Variants in PARD3B observed in about 807,000 individuals in gnomAD.
The protein encoded by PARD3B is partitioning defective 3 homolog B.
In PARD3B, 103 loss-of-function variants were observed where a neutral mutation model predicts 130.2. That is an observed-to-expected ratio of 0.79 (90% confidence interval 0.67 to 0.93). The LOEUF (loss-of-function observed/expected upper bound fraction) is 0.93, where lower values mean the gene tolerates loss of function less well. PARD3B is among the 40% of genes least tolerant of loss of function. The probability of loss-of-function intolerance (pLI) is 0.00; values close to 1 mark genes in which losing one functional copy is unlikely to be tolerated. For synonymous variants in PARD3B, 583 were observed against 553.2 expected, an observed-to-expected ratio of 1.05 and a Z score of -0.76; for missense variants, 1,609 against 1,499.2, an observed-to-expected ratio of 1.07 and a Z score of -1.21.
intron 4 of PARD3B, among the ~76,000 whole-genome samples, chr2:205,103,155 AAT>A (rs1702912854): frequency 7.7e-6 from 1 of 130,194 alleles, no homozygotes; most frequent in South Asian, 3.0e-4. Flanking sequence ...ATTTATGTAA[AAT>A]AAACATATTT....
rs2125318982 is a variant in PARD3B at position 205,015,514 on chromosome 2, A to T, written c.395-32067A>T. ...GATAGGGATGATGTGTTATTCATAT[A>T]GGTATAACCCAGTCTTGAGCTTCAC... On this transcript the variant is annotated intron_variant, in intron 3 of 22. Transcript: ENST00000406610. The surrounding 1 kb of genome is among the most constrained non-coding windows in gnomAD (Gnocchi z 4.5). Among the ~76,000 whole-genome samples the T allele has an allele frequency of 6.6e-6, 1 of 152,308 alleles. No individual in the cohort carries two copies. The highest frequency in any genetic ancestry group is 1.9e-4 in the East Asian group (1 of 5,184).
At chr2:204,874,356 C>T (rs1288692935) in intron 2 of PARD3B, among the ~76,000 whole-genome samples, 1 of 152,076 alleles carries the variant, frequency 6.6e-6, no homozygotes, top group African/African-American at 2.4e-5. Flanking sequence ...AAAGTAAGCA[C>T]TCCTGAACAA....
intron 1 of PARD3B, among the ~76,000 whole-genome samples, chr2:204,649,292 G>A (rs2035397996): frequency 6.6e-6 from 1 of 151,236 alleles, no homozygotes; most frequent in Admixed American, 6.6e-5. Context: ...TCATATTATT[G>A]AGTTTTAAGA....
Position 204,920,452 on chromosome 2 carries a change from C to T in PARD3B, c.223-44700C>T, listed in dbSNP as rs150068101. Among the ~76,000 whole-genome samples the T allele has an allele frequency of 6.4e-4, 98 of 152,230 alleles. 1 individual carries two copies. In the East Asian group the frequency reaches 0.018, roughly 29 times the overall value. ...CGAAATCTGAGTACACAACCATGGC[C>T]TTATGCCCTGGAGTTTTACAGCTCT... On this transcript the variant is annotated intron_variant, in intron 2 of 22. Transcript: ENST00000406610.
chr2:205,005,146 C>T (rs977471430), intron 3 of PARD3B, among the ~76,000 whole-genome samples: 3 of 152,128 alleles, frequency 2.0e-5, no homozygotes, highest in African/African-American at 7.2e-5. Flanking sequence ...CTCCCCTTTG[C>T]TCCCTCTTCT....
At chr2:205,467,612 G>T (rs1405368331) in intron 20 of PARD3B, among the ~76,000 whole-genome samples, 2 of 151,908 alleles carry the variant, frequency 1.3e-5, no homozygotes, top group South Asian at 2.1e-4. Context: ...TTTCATGGTG[G>T]AATGAAGCCA....
chr2:204,741,604 C>T (rs957967985), intron 2 of PARD3B, among the ~76,000 whole-genome samples: 4 of 152,140 alleles, frequency 2.6e-5, no homozygotes, highest in Admixed American at 2.0e-4. Context: ...TTTATTCTTA[C>T]TAGTTTGAGA....
chr2:204,750,501 G>C (rs1385788194), intron 2 of PARD3B, among the ~76,000 whole-genome samples: 1 of 152,134 alleles, frequency 6.6e-6, no homozygotes, highest in Admixed American at 6.6e-5. Flanking sequence ...CTGGAGAATC[G>C]TTTGAGCCCT....
intron 1 of PARD3B, among the ~76,000 whole-genome samples, chr2:204,586,221 C>A (rs1020001671): frequency 2.0e-5 from 3 of 152,080 alleles, no homozygotes; most frequent in Non-Finnish European, 4.4e-5. Context: ...TAAATGCATA[C>A]CTGACACTCT....
At chr2:204,760,138 AT>A (rs1325156436) in intron 2 of PARD3B, among the ~76,000 whole-genome samples, 3 of 152,098 alleles carry the variant, frequency 2.0e-5, no homozygotes, top group Admixed American at 2.0e-4. Context: ...AAGTTTTTAT[AT>A]TTTTGAGTTA....
chr2:205,459,805 T>C (rs999918861), intron 20 of PARD3B, among the ~76,000 whole-genome samples: 5 of 152,176 alleles, frequency 3.3e-5, no homozygotes, highest in Non-Finnish European at 5.9e-5. Context: ...GTGGCTCATG[T>C]CTCAGTGTTC....
intron 10 of PARD3B, among the ~76,000 whole-genome samples, chr2:205,127,493 C>T (rs911439835): frequency 3.9e-5 from 6 of 152,142 alleles, no homozygotes; most frequent in African/African-American, 1.4e-4. Flanking sequence ...GTTGACAGAA[C>T]TGATGATGTT....
rs981694686 is a variant in PARD3B at position 205,473,534 on chromosome 2, C to T, written c.3045-26362C>T. On this transcript the variant is annotated intron_variant, in intron 20 of 22. Transcript: ENST00000406610. This position sits in a 1 kb window ranked among gnomAD's most constrained non-coding sequence, Gnocchi z 4.9. ...GCCTGACAGTAGGGCACGTTTCACT[C>T]ATTAATATGGGTGATATCTTACATT... Among the ~76,000 whole-genome samples the T allele has an allele frequency of 2.0e-5, 3 of 151,388 alleles. No homozygotes were observed. Among genetic ancestry groups the T allele is most frequent in the African/African-American group, 4.8e-5 (2 of 41,256 alleles).
chr2:204,702,513 A>G (rs1030376622), intron 2 of PARD3B, among the ~76,000 whole-genome samples: 4 of 152,132 alleles, frequency 2.6e-5, no homozygotes, highest in African/African-American at 9.7e-5. Flanking sequence ...TTTTAAAAGT[A>G]TATTTGTTGG....
chr2:205,189,483 G>A (rs900427932), intron 14 of PARD3B, among the ~76,000 whole-genome samples: 1 of 152,026 alleles, frequency 6.6e-6, no homozygotes, highest in African/African-American at 2.4e-5. Context: ...CTGAAAACAC[G>A]GCCTTTATCT....
At chr2:204,785,688 C>T (rs1319549343) in intron 2 of PARD3B, among the ~76,000 whole-genome samples, 3 of 152,114 alleles carry the variant, frequency 2.0e-5, no homozygotes, top group Admixed American at 1.3e-4. Context: ...GCCCAGTGCC[C>T]GACATGCAGG....
At chr2:204,788,924 G>C (rs2042104131) in intron 2 of PARD3B, among the ~76,000 whole-genome samples, 1 of 152,094 alleles carries the variant, frequency 6.6e-6, no homozygotes, top group South Asian at 2.1e-4. Flanking sequence ...CTCTACTGCT[G>C]TATCTCATGA....
intron 15 of PARD3B, among the ~76,000 whole-genome samples, chr2:205,245,425 T>A (rs533104747): frequency 6.6e-6 from 1 of 152,184 alleles, no homozygotes; most frequent in Non-Finnish European, 1.5e-5. Context: ...ATTGCTGTTA[T>A]GCTGAAAGAA....
Position 205,584,223 on chromosome 2 carries a change from AG to A in PARD3B, c.3260+30822del, listed in dbSNP as rs2054109340. On this transcript the variant is annotated intron_variant, in intron 22 of 22. Coordinates refer to ENST00000406610, the MANE Select transcript of PARD3B (RefSeq NM_001302769.2). This position sits in a 1 kb window ranked among gnomAD's most constrained non-coding sequence, Gnocchi z 5.5. ...GTGCTTTAAATGTAAAATGCACACC[AG>A]GTCCCAAGACTTAATGCCAAAAGCA... Among the ~76,000 whole-genome samples, 1 of 152,248 alleles carries A rather than the reference AG, an allele frequency of 6.6e-6. No homozygotes were observed. The highest frequency in any genetic ancestry group is 1.5e-5 in the Non-Finnish European group (1 of 68,042).
Sources: allele counts gnomAD v4.1 joint callset (sites outside exome capture counted in the v4.1 genomes callset), GRCh38; gene constraint gnomAD v4.1.1; non-coding constraint Gnocchi (gnomAD v3.1); transcripts MANE v1.5; gene names NCBI Gene and HGNC (gene_info 2026-07-23, HGNC 2026-07-21).